Variants in PLCH1 observed in about 807,000 individuals in gnomAD.
PLCH1 encodes the protein 1-phosphatidylinositol 4,5-bisphosphate phosphodiesterase eta-1.
Under a neutral mutation model 126.7 loss-of-function variants are expected in PLCH1, and 60 were observed. The ratio of observed to expected loss-of-function variants is 0.47; its 90% confidence interval spans 0.38 to 0.59. PLCH1 has a LOEUF of 0.59. Ranked by LOEUF, PLCH1 falls within the 20% of genes least tolerant of loss-of-function variation. PLCH1 has a pLI of 0.00. For synonymous variants in PLCH1, 719 were observed against 734.9 expected (o/e 0.98, Z 0.35); for missense variants, 1,723 against 2,040.0 (o/e 0.84, Z 2.99).
chr3:155,511,469 T>TC (rs1486344736), intron 12 of PLCH1, among the ~76,000 whole-genome samples: 1 of 99,946 alleles, frequency 1.0e-5, no homozygotes, highest in African/African-American at 6.7e-5. Context: ...TTCTGTTTTT[T>TC]CCCCATCTTT....
At position 155,488,046 on chromosome 3, in the gene PLCH1, G is replaced by T. The variant is rs749427353; in HGVS notation, c.2601C>A (p.Ile867=). The part of the protein sequence containing the change: ...TEASIFVHIT[I]NEIYGKNRQL... ...TTCTCACCTTTCCATAGATTTCATT[G>T]ATGGTTATGTGTACAAATATGGATG... Residue 867 remains isoleucine (I), a synonymous_variant, in exon 21 of 23, where the codon ATC becomes ATA. Coordinates refer to ENST00000460012, the MANE Select transcript of PLCH1 (RefSeq NM_014996.4). 1 of 1,593,006 alleles carries T rather than the reference G, an allele frequency of 6.3e-7. No homozygotes were observed. Among genetic ancestry groups the T allele is most frequent in the South Asian group, 1.1e-5 (1 of 90,636 alleles).
intron 2 of PLCH1, among the ~76,000 whole-genome samples, chr3:155,632,094 T>C (rs1251180323): frequency 1.3e-5 from 2 of 152,148 alleles, no homozygotes; most frequent in African/African-American, 4.8e-5. Flanking sequence ...TTTCAGTAGT[T>C]TCACAGTGGC....
In PLCH1 at chr3:155,494,212, T is replaced by C; in HGVS notation, c.2111A>G (p.Gln704Arg). The change falls in exon 17 of 23, where the codon CAG becomes CGG. Residue 704 changes from glutamine to arginine, a missense_variant. By Grantham distance (43) the Gln-to-Arg change is conservative. This residue lies in a region of PLCH1 where 776 missense variants were observed against 1,062.9 expected (regional missense o/e 0.73). Transcript: ENST00000460012. ...TGCCTTGAATTTGGCTCGGTTTAAC[T>C]GCATCATTCGTCCTTCAGATTGATA... is the stretch of plus-strand genomic sequence containing the variant. ...LNYQSEGRMMQLNRAKFKANG... is the reference protein window; with the variant it reads ...LNYQSEGRMMRLNRAKFKANG... 1 of 1,614,172 alleles carries C rather than the reference T, an allele frequency of 6.2e-7. No individual in the cohort carries two copies. The highest frequency in any genetic ancestry group is 8.5e-7 in the Non-Finnish European group (1 of 1,180,004).
intron 9 of PLCH1, among the ~76,000 whole-genome samples, chr3:155,550,781 A>T (rs948652414): frequency 3.9e-5 from 6 of 152,324 alleles, no homozygotes; most frequent in Non-Finnish European, 8.8e-5. Context: ...AATATATTTA[A>T]ATCACCTAAT....
Position 155,481,261 on chromosome 3 carries a change from G to A in PLCH1, c.4765C>T (p.Gln1589Ter). Residue 1589 changes from glutamine to a stop codon, truncating the protein, a stop_gained, in exon 23 of 23, where the codon CAG becomes TAG. Transcript: ENST00000460012. LOFTEE classifies it low-confidence loss of function (END_TRUNC). The surrounding 1 kb of genome is among the most constrained non-coding windows in gnomAD (Gnocchi z 4.2). ...RNIASRAKEK[Q>*]EANKQKVPNP... ...GGAACTTTCTGCTTGTTGGCTTCCTGTTTCTCCTTGGCACGACTAGCAATA... is the reference window on the plus strand; with the variant it reads ...GGAACTTTCTGCTTGTTGGCTTCCTATTTCTCCTTGGCACGACTAGCAATA... The A allele has an allele frequency of 1.2e-6, 2 of 1,614,190 alleles. No homozygotes were observed. The highest frequency in any genetic ancestry group is 1.7e-6 in the Non-Finnish European group (2 of 1,180,042).
intron 2 of PLCH1, among the ~76,000 whole-genome samples, chr3:155,645,434 T>A (rs1358493772): frequency 3.3e-5 from 5 of 152,158 alleles, no homozygotes; most frequent in Non-Finnish European, 7.4e-5. Context: ...AGACACATAG[T>A]CACAGAAATC....
chr3:155,453,623 T>A (rs2107966266), intron 21 of PLCH1, among the ~76,000 whole-genome samples: 1 of 152,098 alleles, frequency 6.6e-6, no homozygotes, highest in Admixed American at 6.5e-5. Flanking sequence ...AAAGAACTGA[T>A]TAATGAAGAG....
intron 2 of PLCH1, among the ~76,000 whole-genome samples, chr3:155,686,211 G>C (rs1744927288): frequency 6.6e-6 from 1 of 152,150 alleles, no homozygotes; most frequent in Admixed American, 6.5e-5. Context: ...ATAACATAAA[G>C]TCCCATGTGT....
At chr3:155,587,664 G>T (rs1290964833) in intron 4 of PLCH1, among the ~76,000 whole-genome samples, 5 of 152,220 alleles carry the variant, frequency 3.3e-5, no homozygotes. Context: ...CTGAGAATTA[G>T]AAGCTGAGTT....
At position 155,471,543 on chromosome 3, in the gene PLCH1, C is replaced by A. The variant is rs1199195508; in HGVS notation, c.2938+13813G>T. On this transcript the variant is annotated intron_variant, in intron 21 of 21. Coordinates refer to the PLCH1 transcript ENST00000494598. Reference sequence around the variant, plus strand: ...CGAGACAGAAAGTCAACAAGGATACCCAGGAATTGAACTCAGCTCTGCACC... The same window carrying A: ...CGAGACAGAAAGTCAACAAGGATACACAGGAATTGAACTCAGCTCTGCACC... Among the ~76,000 whole-genome samples, 3 of 145,788 alleles carry A rather than the reference C, an allele frequency of 2.1e-5. No homozygotes were observed. The South Asian group carries it at 7.1e-4, about 34-fold the overall frequency.
intron 2 of PLCH1, among the ~76,000 whole-genome samples, chr3:155,657,608 A>T (rs555567428): frequency 7.9e-5 from 12 of 152,344 alleles, no homozygotes; most frequent in African/African-American, 2.6e-4. Flanking sequence ...TATTTCCAAA[A>T]TATTTATTGA....
intron 14 of PLCH1, among the ~76,000 whole-genome samples, chr3:155,497,752 T>C (rs1282037559): frequency 6.6e-6 from 1 of 152,202 alleles, no homozygotes; most frequent in Non-Finnish European, 1.5e-5. Flanking sequence ...TCTCTCTCTG[T>C]TGCCCAAGCT....
At chr3:155,665,830 C>G (rs1742664731) in intron 2 of PLCH1, among the ~76,000 whole-genome samples, 2 of 152,144 alleles carry the variant, frequency 1.3e-5, no homozygotes, top group Admixed American at 6.5e-5. Flanking sequence ...TAATCTCATA[C>G]TCAAAGATAA....
At chr3:155,490,929 T>C in intron 18 of PLCH1, 61 bp from the exon 19 acceptor site, 1 of 953,262 alleles carries the variant, frequency 1.0e-6, no homozygotes, top group Non-Finnish European at 1.7e-6. Context: ...TGTTAATTAA[T>C]CTGAGAATAT....
At chr3:155,618,168 G>A (rs1244691842) in intron 2 of PLCH1, among the ~76,000 whole-genome samples, 2 of 152,098 alleles carry the variant, frequency 1.3e-5, no homozygotes, top group African/African-American at 2.4e-5. Flanking sequence ...ATGAGAGAAT[G>A]GAGAAAGATT....
chr3:155,714,809 A>T (rs1294425576), intron 1 of PLCH1, among the ~76,000 whole-genome samples: 2 of 152,114 alleles, frequency 1.3e-5, no homozygotes, highest in Non-Finnish European at 2.9e-5. Context: ...ATGTTTTATG[A>T]TTTTTACATG....
At chr3:155,517,971 G>C (rs1720580316) in intron 11 of PLCH1, among the ~76,000 whole-genome samples, 1 of 152,166 alleles carries the variant, frequency 6.6e-6, no homozygotes, top group Admixed American at 6.5e-5. Flanking sequence ...TTATGCATGG[G>C]AGATACATCA....
At chr3:155,464,505 CTT>C (rs1334561676) in intron 21 of PLCH1, among the ~76,000 whole-genome samples, 1 of 152,056 alleles carries the variant, frequency 6.6e-6, no homozygotes, top group Non-Finnish European at 1.5e-5. Flanking sequence ...AATGAGAAAA[CTT>C]TGAAATTTTA....
intron 1 of PLCH1, among the ~76,000 whole-genome samples, chr3:155,720,857 CTTAGAT>C (rs1747896809): frequency 6.6e-6 from 1 of 152,118 alleles, no homozygotes; most frequent in Non-Finnish European, 1.5e-5. Context: ...AGTTTCAGGT[CTTAGAT>C]TTAAGTCTTT....
Sources: gnomAD v4.1 joint callset for allele counts (sites outside exome capture counted in the v4.1 genomes callset) on GRCh38, gnomAD v4.1.1 for gene constraint, gnomAD v4.1.1 regional missense constraint, Gnocchi (gnomAD v3.1) non-coding constraint, MANE v1.5 for transcripts, NCBI Gene and HGNC (gene_info 2026-07-23, HGNC 2026-07-21) for gene names.